Variants in DAB1 observed in about 807,000 individuals in gnomAD.
DAB1 encodes DAB adaptor protein 1.
DAB1 carries 15 observed loss-of-function variants against 64.6 expected under a neutral mutation model. That is an observed-to-expected ratio of 0.23 (90% CI 0.16 to 0.36). DAB1 has a LOEUF of 0.36. DAB1 is among the 10% of genes least tolerant of loss of function. The pLI is 1.00. For synonymous variants in DAB1, 235 were observed against 251.9 expected (o/e 0.93, Z 0.64); for missense variants, 596 against 706.7 (o/e 0.84, Z 1.78).
At chr1:57,127,814 A>C (rs983038546) in intron 4 of DAB1, among the ~76,000 whole-genome samples, 4 of 152,198 alleles carry the variant, frequency 2.6e-5, no homozygotes, top group Non-Finnish European at 5.9e-5. Flanking sequence ...ACTTAGCACC[A>C]TGCCTGGCAA....
At chr1:57,933,660 T>C (rs901944986) in intron 5 of DAB1, among the ~76,000 whole-genome samples, 3 of 152,224 alleles carry the variant, frequency 2.0e-5, no homozygotes, top group Non-Finnish European at 2.9e-5. Context: ...TTCTAGCTTT[T>C]GCTGGAATAA....
At chr1:57,569,316 A>G (rs1168341177) in intron 7 of DAB1, among the ~76,000 whole-genome samples, 1 of 151,622 alleles carries the variant, frequency 6.6e-6, no homozygotes, top group African/African-American at 2.4e-5. Flanking sequence ...TAGTCACAAT[A>G]GCAAAGACTT....
At chr1:57,831,167 C>T (rs1276976089) in intron 1 of DAB1, among the ~76,000 whole-genome samples, 2 of 152,170 alleles carry the variant, frequency 1.3e-5, no homozygotes, top group Non-Finnish European at 2.9e-5. Flanking sequence ...CCCACCTCGG[C>T]CTCCCAAAGT....
intron 2 of DAB1, among the ~76,000 whole-genome samples, chr1:57,197,628 C>G (rs780280130): frequency 1.1e-4 from 16 of 152,168 alleles, no homozygotes; most frequent in Non-Finnish European, 1.8e-4. Context: ...GATTTTAGTG[C>G]CAGATTCATC....
At chr1:57,750,514 T>C (rs1557459687) in intron 6 of DAB1, among the ~76,000 whole-genome samples, 1 of 152,212 alleles carries the variant, frequency 6.6e-6, no homozygotes. Context: ...TACTTCACAC[T>C]ATTGTAATAA....
chr1:57,152,971 T>C (rs924678771), intron 2 of DAB1, among the ~76,000 whole-genome samples: 3 of 152,138 alleles, frequency 2.0e-5, no homozygotes, highest in Non-Finnish European at 2.9e-5. Context: ...AACTCTAAGA[T>C]AGATATATTT....
At chr1:57,637,324 G>A (rs957584341) in intron 7 of DAB1, among the ~76,000 whole-genome samples, 1 of 152,162 alleles carries the variant, frequency 6.6e-6, no homozygotes, top group Non-Finnish European at 1.5e-5. Context: ...TATTTTCAAT[G>A]GAGTGTTGTC....
intron 3 of DAB1, among the ~76,000 whole-genome samples, chr1:58,441,610 T>A (rs1645008960): frequency 6.6e-6 from 1 of 152,156 alleles, no homozygotes; most frequent in South Asian, 2.1e-4. Context: ...TCCTCAGTTA[T>A]AAAAGAGGTG....
rs191214711 is a variant in DAB1 at position 57,446,035 on chromosome 1, A to G, written n.626-154869T>C. On this transcript the variant is annotated intron_variant and non_coding_transcript_variant, in intron 7 of 20. Coordinates refer to the DAB1 transcript ENST00000485760. Reference sequence around the variant, plus strand: ...GAATCAGATTATCTGTATTTATTTCACCCATCCAATTTTATGATTTCAGGT... The same window carrying G: ...GAATCAGATTATCTGTATTTATTTCGCCCATCCAATTTTATGATTTCAGGT... 2.0e-5 allele frequency among the ~76,000 whole-genome samples: 3 copies of G among 152,238 alleles called. No individual in the cohort carries two copies. In the East Asian group the frequency reaches 5.8e-4, roughly 29 times the overall value.
intron 1 of DAB1, among the ~76,000 whole-genome samples, chr1:57,341,644 CT>C (rs964039300): frequency 5.3e-5 from 8 of 151,922 alleles, no homozygotes; most frequent in Non-Finnish European, 1.2e-4. Flanking sequence ...TTTTCTCTTT[CT>C]TTTTTTGAGC....
intron 1 of DAB1, among the ~76,000 whole-genome samples, chr1:57,362,343 T>TTAC (rs1553172644): frequency 6.7e-5 from 7 of 104,776 alleles, no homozygotes; most frequent in Middle Eastern, 5.1e-3. Flanking sequence ...TTAGTATTTA[T>TTAC]TACTATTATT....
chr1:58,483,080 G>A (rs548792975), intron 3 of DAB1, among the ~76,000 whole-genome samples: 1 of 152,256 alleles, frequency 6.6e-6, no homozygotes, highest in South Asian at 2.1e-4. Flanking sequence ...GGAAGTCCAG[G>A]TACAAAACTA....
chr1:57,848,591 C>T (rs1207170104), intron 1 of DAB1, among the ~76,000 whole-genome samples: 1 of 152,104 alleles, frequency 6.6e-6, no homozygotes, highest in Non-Finnish European at 1.5e-5. Flanking sequence ...GAGGTCTAGG[C>T]CAGACAGAAG....
At chr1:58,052,906 C>T (rs935087762) in intron 5 of DAB1, among the ~76,000 whole-genome samples, 5 of 152,150 alleles carry the variant, frequency 3.3e-5, no homozygotes, top group African/African-American at 1.2e-4. Context: ...AAACATAGTG[C>T]CAACATCTGC....
chr1:57,619,196 C>CT (rs1054229603), intron 7 of DAB1, among the ~76,000 whole-genome samples: 5 of 152,100 alleles, frequency 3.3e-5, no homozygotes, highest in Middle Eastern at 3.4e-3. Context: ...GTTAGAGATC[C>CT]TTTTTTATGG....
Position 57,893,879 on chromosome 1 carries a change from T to G in DAB1, n.388-9717A>C, listed in dbSNP as rs142166256. 1.6e-3 allele frequency among the ~76,000 whole-genome samples: 248 copies of G among 151,942 alleles called. 5 individuals carry two copies. The South Asian group carries it at 0.033, about 20-fold the overall frequency. ...TACCTTTGTGATAAGATCTCAGGAG[T>G]TGTTTGAGAGGGCTCACACCTGAGC... On this transcript the variant is annotated intron_variant and non_coding_transcript_variant, in intron 5 of 20. Coordinates refer to the DAB1 transcript ENST00000485760.
intron 2 of DAB1, among the ~76,000 whole-genome samples, chr1:57,288,534 G>A (rs1051719757): frequency 6.6e-6 from 1 of 152,142 alleles, no homozygotes; most frequent in Non-Finnish European, 1.5e-5. Flanking sequence ...TGAGGACATG[G>A]TGAGAAGATG....
chr1:57,967,702 G>A (rs1045785680), intron 5 of DAB1, among the ~76,000 whole-genome samples: 1 of 151,948 alleles, frequency 6.6e-6, no homozygotes, highest in Non-Finnish European at 1.5e-5. Flanking sequence ...TTACAGGGGG[G>A]TTGTGAGGAC....
intron 7 of DAB1, among the ~76,000 whole-genome samples, chr1:57,535,102 T>G (rs1644710283): frequency 1.3e-5 from 2 of 152,194 alleles, no homozygotes; most frequent in Non-Finnish European, 2.9e-5. Flanking sequence ...CCACCTTTTC[T>G]AAAGTAGCAC....
Sources: allele counts gnomAD v4.1 joint callset (sites outside exome capture counted in the v4.1 genomes callset), GRCh38; gene constraint gnomAD v4.1.1; transcripts MANE v1.5; gene names NCBI Gene and HGNC (gene_info 2026-07-23, HGNC 2026-07-21).